The following UTS2 variants were observed in gnomAD, a reference collection of about 807,000 sequenced individuals.
UTS2 encodes urotensin 2.
Under a neutral mutation model 12.6 loss-of-function variants are expected in UTS2, and 10 were observed. The ratio of observed to expected loss-of-function variants is 0.80; its 90% CI spans 0.49 to 1.35. The LOEUF (loss-of-function observed/expected upper bound fraction) is 1.35, where lower values mean the gene tolerates loss of function less well. Among genes scored for constraint, UTS2 ranks in the 40% most tolerant of loss-of-function variants. The probability of loss-of-function intolerance (pLI) is 0.00; values close to 1 mark genes in which losing one functional copy is unlikely to be tolerated. For synonymous variants in UTS2, 52 were observed against 50.0 expected, an observed-to-expected ratio of 1.04 and a Z score of -0.17; for missense variants, 142 against 143.2, an observed-to-expected ratio of 0.99 and a Z score of 0.04.
At chr1:7,853,295 G>A, upstream of UTS2, 1 of 1,614,072 alleles carries the variant, frequency 6.2e-7, no homozygotes, top group Middle Eastern at 1.6e-4. Flanking sequence ...TCTGGCAAAA[G>A]AGGCAACTTA....
chr1:7,858,997 C>A, the UTS2 span, among the ~76,000 whole-genome samples: 1 of 152,144 alleles, frequency 6.6e-6, no homozygotes, highest in Non-Finnish European at 1.5e-5. Flanking sequence ...TCACTGATTG[C>A]CAAATAAATA....
upstream of UTS2, among the ~76,000 whole-genome samples, chr1:7,856,006 T>A (rs954853089): frequency 6.6e-6 from 1 of 152,078 alleles, no homozygotes; most frequent in Non-Finnish European, 1.5e-5. Flanking sequence ...GGCTTTTTTA[T>A]TTTTTGTACA....
the UTS2 span, among the ~76,000 whole-genome samples, chr1:7,883,623 T>C: frequency 6.6e-6 from 1 of 152,178 alleles, no homozygotes; most frequent in Non-Finnish European, 1.5e-5. Flanking sequence ...ACATATTATA[T>C]GCATGTATCA....
At chr1:7,884,361 G>A in the UTS2 span, among the ~76,000 whole-genome samples, 2 of 149,494 alleles carry the variant, frequency 1.3e-5, no homozygotes, top group Admixed American at 1.3e-4. Flanking sequence ...GAGTGCAGCG[G>A]TGTGATCATG....
In UTS2 at chr1:7,850,899, T is replaced by C. The variant is rs1014839792; in HGVS notation, c.127A>G (p.Thr43Ala). Residue 43 changes from threonine to alanine, a missense_variant, in exon 2 of 4, where the codon ACT (threonine) becomes GCT (alanine). Coordinates refer to ENST00000361696, the MANE Select transcript of UTS2 (RefSeq NM_006786.4). ...GAAGCTCTTTCTAGCTCCTCCGGAG[T>C]TAAGCGCGCGTCTTCATGAGGTGCT... Reference protein sequence around the residue: ...LSAPHEDARLTPEELERASLL... With the variant: ...LSAPHEDARLAPEELERASLL... The C allele has an allele frequency of 1.2e-6, 2 of 1,613,948 alleles. No homozygotes were observed. Among genetic ancestry groups the C allele is most frequent in the African/African-American group, 2.7e-5 (2 of 74,894 alleles).
chr1:7,872,098 G>A, the UTS2 span, among the ~76,000 whole-genome samples: 4 of 151,916 alleles, frequency 2.6e-5, no homozygotes, highest in East Asian at 1.9e-4. Flanking sequence ...TCAAGAGATC[G>A]AGACCATCCT....
At chr1:7,862,380 G>A in the UTS2 span, among the ~76,000 whole-genome samples, 1 of 151,722 alleles carries the variant, frequency 6.6e-6, no homozygotes, top group Admixed American at 6.6e-5. Flanking sequence ...AATACCTGAG[G>A]ATACCTGCGA....
upstream of UTS2, among the ~76,000 whole-genome samples, chr1:7,854,927 G>A (rs923896689): frequency 1.3e-5 from 2 of 152,112 alleles, no homozygotes; most frequent in Admixed American, 6.6e-5. Context: ...TTGGGAGGCC[G>A]AGGCAGGTGG....
At chr1:7,890,115 G>A in the UTS2 span, among the ~76,000 whole-genome samples, 2 of 134,748 alleles carry the variant, frequency 1.5e-5, no homozygotes, top group Admixed American at 7.3e-5. Context: ...AACAGAGCGA[G>A]CCTCCATCTA....
chr1:7,850,762 G>A (rs1578025528), intron 2 of UTS2, 50 bp downstream of exon 2: 1 of 1,569,110 alleles, frequency 6.4e-7, no homozygotes, highest in East Asian at 2.2e-5. Context: ...CAGACGGTAA[G>A]TTCAGTAGCA....
Position 7,853,056 on chromosome 1 carries a change from C to A in UTS2, c.-53G>T. 6.3e-7 allele frequency: 1 copy of A among 1,580,038 alleles called. No individual in the cohort carries two copies. The highest frequency in any genetic ancestry group is 1.2e-5 in the South Asian group (1 of 84,846). ...CTTGGCTTCTGTTGTAGAGAACTTT[C>A]AACTGTCTCCTCATTCTGCCTGCTC... On this transcript the variant is annotated 5_prime_UTR_variant, in exon 1 of 4. Transcript: ENST00000361696.
chr1:7,847,939 G>A, intron 3 of UTS2, 57 bp from the exon 4 acceptor site: 1 of 1,235,400 alleles, frequency 8.1e-7, no homozygotes, highest in South Asian at 1.3e-5. Context: ...TTACCAACGA[G>A]TGACGATTCC....
the UTS2 span, among the ~76,000 whole-genome samples, chr1:7,897,735 C>T: frequency 2.0e-4 from 31 of 151,906 alleles, no homozygotes; most frequent in Non-Finnish European, 3.7e-4. Flanking sequence ...TACAGGCACC[C>T]GCCACCACGC....
the UTS2 span, among the ~76,000 whole-genome samples, chr1:7,908,131 T>C: frequency 6.6e-6 from 1 of 151,862 alleles, no homozygotes; most frequent in African/African-American, 2.4e-5. Context: ...AATCCCCATC[T>C]CTACTAAAAA....
chr1:7,898,088 C>T, the UTS2 span, among the ~76,000 whole-genome samples: 1 of 152,314 alleles, frequency 6.6e-6, no homozygotes, highest in Middle Eastern at 3.4e-3. Context: ...TCCATGTATA[C>T]AACCATGCCA....
chr1:7,866,193 G>A, the UTS2 span, among the ~76,000 whole-genome samples: 3 of 152,306 alleles, frequency 2.0e-5, no homozygotes, highest in Non-Finnish European at 2.9e-5. The surrounding 1 kb of genome is among the most constrained non-coding windows in gnomAD (Gnocchi z 4.5). Flanking sequence ...GGGGTCGCTC[G>A]TGTGGCCCCA....
the UTS2 span, among the ~76,000 whole-genome samples, chr1:7,866,550 C>T: frequency 6.6e-6 from 1 of 152,208 alleles, no homozygotes; most frequent in African/African-American, 2.4e-5. This position sits in a 1 kb window ranked among gnomAD's most constrained non-coding sequence, Gnocchi z 4.5. Context: ...GCACTTTCTC[C>T]TCTGCTCATG....
At chr1:7,862,154 T>TCC in the UTS2 span, among the ~76,000 whole-genome samples, 1 of 149,614 alleles carries the variant, frequency 6.7e-6, no homozygotes, top group Non-Finnish European at 1.5e-5. Context: ...CTCAGGTGAT[T>TCC]CCCCCCCCGC....
chr1:7,894,925 T>C, the UTS2 span, among the ~76,000 whole-genome samples: 30 of 152,154 alleles, frequency 2.0e-4, no homozygotes, highest in African/African-American at 7.2e-4. Flanking sequence ...AGCAAGACCC[T>C]GTCTCAAACA....
Sources: allele counts gnomAD v4.1 joint callset (sites outside exome capture counted in the v4.1 genomes callset), GRCh38; gene constraint gnomAD v4.1.1; non-coding constraint Gnocchi (gnomAD v3.1); transcripts MANE v1.5; gene names NCBI Gene and HGNC (gene_info 2026-07-23, HGNC 2026-07-21).